Variants in CERS6 observed in about 807,000 individuals in gnomAD.
CERS6 encodes LAG1 homolog, ceramide synthase 6.
In CERS6, 26 loss-of-function variants were observed where a neutral mutation model predicts 56.8. That is an observed-to-expected ratio of 0.46 (90% confidence interval 0.34 to 0.63). The LOEUF is 0.63. CERS6 is among the 30% of genes least tolerant of loss of function. The pLI is 0.01. For synonymous variants in CERS6, 164 were observed against 173.3 expected, an observed-to-expected ratio of 0.95 and a Z score of 0.42; for missense variants, 415 against 467.5, an observed-to-expected ratio of 0.89 and a Z score of 1.04.
intron 4 of CERS6, among the ~76,000 whole-genome samples, chr2:168,657,548 C>T (rs543928007): frequency 4.3e-4 from 66 of 152,362 alleles, no homozygotes; most frequent in Middle Eastern, 3.4e-3. Context: ...GTGGGAGGCT[C>T]AGGCATGGCA....
intron 1 of CERS6, among the ~76,000 whole-genome samples, chr2:168,507,981 TCATGC>T (rs2105348891): frequency 6.6e-6 from 1 of 152,126 alleles, no homozygotes; most frequent in African/African-American, 2.4e-5. Flanking sequence ...GATATGGGAG[TCATGC>T]CATCTATTCT....
At position 168,631,028 on chromosome 2, in the gene CERS6, A is replaced by G; in HGVS notation, c.451A>G (p.Arg151Gly). The change falls in exon 4 of 10, where the codon AGA (arginine) becomes GGA (glycine). Residue 151 changes from arginine (R) to glycine (G), a missense_variant. Transcript: ENST00000305747. ...CCTTTATGTATTTACCTACGGAGTC[A>G]GATTCCTGAAAAAGGTAGGATCTCT... Reference protein sequence around the residue: ...FYLYVFTYGVRFLKKTPWLWN... With the variant: ...FYLYVFTYGVGFLKKTPWLWN... The G allele has an allele frequency of 1.3e-6, 2 of 1,522,486 alleles. No homozygotes were observed. Among genetic ancestry groups the G allele is most frequent in the South Asian group, 1.2e-5 (1 of 83,456 alleles). The allele number at this position is 1,522,486 out of a possible 1,614,324, so 94.3% of individuals were successfully genotyped here. A position where few individuals can be genotyped will look rare whatever the true frequency, so the allele number is the denominator to read the frequency against.
At chr2:168,686,078 C>T (rs924467991) in intron 4 of CERS6, among the ~76,000 whole-genome samples, 1 of 142,968 alleles carries the variant, frequency 7.0e-6, no homozygotes, top group Non-Finnish European at 1.5e-5. Context: ...AACAAAATAC[C>T]GCATACTAGA....
intron 6 of CERS6, among the ~76,000 whole-genome samples, chr2:168,695,463 A>G (rs951718058): frequency 6.6e-6 from 1 of 152,138 alleles, no homozygotes; most frequent in Admixed American, 6.5e-5. Context: ...GTGTCAAAAT[A>G]TGTCTCGGAA....
chr2:168,703,610 A>T (rs1344144630), intron 6 of CERS6, among the ~76,000 whole-genome samples: 1 of 152,134 alleles, frequency 6.6e-6, no homozygotes, highest in African/African-American at 2.4e-5. Flanking sequence ...CTCACATTGC[A>T]TCAGCATATC....
intron 1 of CERS6, among the ~76,000 whole-genome samples, chr2:168,502,778 C>G (rs1694607889): frequency 6.6e-6 from 1 of 152,178 alleles, no homozygotes; most frequent in African/African-American, 2.4e-5. Context: ...CAGATCTGGC[C>G]CCTGGCATGG....
At chr2:168,610,500 T>A (rs1370636323) in intron 3 of CERS6, among the ~76,000 whole-genome samples, 2 of 152,186 alleles carry the variant, frequency 1.3e-5, no homozygotes, top group Non-Finnish European at 2.9e-5. Context: ...ACAAATAGAA[T>A]GTATTTGATT....
At chr2:168,735,145 C>G (rs1683672061) in intron 8 of CERS6, among the ~76,000 whole-genome samples, 1 of 152,170 alleles carries the variant, frequency 6.6e-6, no homozygotes, top group East Asian at 1.9e-4. Flanking sequence ...TTATGTCTCA[C>G]CCCTCCTCAA....
chr2:168,757,279 A>G (rs1684443060), intron 8 of CERS6, among the ~76,000 whole-genome samples: 3 of 151,580 alleles, frequency 2.0e-5, no homozygotes, highest in Non-Finnish European at 4.4e-5. Context: ...TCAGGAGCGT[A>G]GGTAAGTAGA....
At chr2:168,672,687 G>C (rs976399608) in intron 4 of CERS6, among the ~76,000 whole-genome samples, 2 of 151,904 alleles carry the variant, frequency 1.3e-5, no homozygotes, top group Non-Finnish European at 2.9e-5. Context: ...TTGTTTTTAA[G>C]AGCTCTCTTG....
chr2:168,514,368 T>G (rs1290346181), intron 1 of CERS6, among the ~76,000 whole-genome samples: 1 of 152,180 alleles, frequency 6.6e-6, no homozygotes. Flanking sequence ...TTGCTTTTCC[T>G]AGATTTAATT....
chr2:168,640,369 G>A (rs77966991), intron 4 of CERS6, among the ~76,000 whole-genome samples: 1 of 152,220 alleles, frequency 6.6e-6, no homozygotes, highest in East Asian at 1.9e-4. Flanking sequence ...TTTAAAGGGT[G>A]TTCCATTCCT....
intron 9 of CERS6, among the ~76,000 whole-genome samples, chr2:168,766,782 A>G (rs1684742757): frequency 6.6e-6 from 1 of 152,204 alleles, no homozygotes; most frequent in South Asian, 2.1e-4. Context: ...CTGGGGCCAT[A>G]TGGCAGCACC....
intron 8 of CERS6, among the ~76,000 whole-genome samples, chr2:168,720,512 G>A (rs895675062): frequency 9.2e-5 from 14 of 152,064 alleles, no homozygotes; most frequent in African/African-American, 2.9e-4. Context: ...TGCTGCGTCC[G>A]TACGAGTCAG....
intron 3 of CERS6, among the ~76,000 whole-genome samples, chr2:168,607,783 T>C (rs1389767664): frequency 6.6e-6 from 1 of 151,992 alleles, no homozygotes; most frequent in Admixed American, 6.5e-5. Flanking sequence ...AATCAATCAG[T>C]AGTCATTACA....
chr2:168,556,005 A>G (rs1695672424), intron 2 of CERS6, among the ~76,000 whole-genome samples: 1 of 152,120 alleles, frequency 6.6e-6, no homozygotes, highest in Non-Finnish European at 1.5e-5. Flanking sequence ...TGTACAATAC[A>G]ATGTTTCAGT....
chr2:168,664,770 T>C (rs1685716297), intron 4 of CERS6, among the ~76,000 whole-genome samples: 2 of 152,192 alleles, frequency 1.3e-5, no homozygotes, highest in Admixed American at 6.5e-5. Context: ...GCAAACTGTT[T>C]TATCAGCAAC....
intron 1 of CERS6, among the ~76,000 whole-genome samples, chr2:168,496,252 G>GTA (rs891864445): frequency 7.9e-5 from 12 of 151,786 alleles, no homozygotes; most frequent in Non-Finnish European, 1.5e-4. Flanking sequence ...GAATAATCTT[G>GTA]TATATATATC....
intron 1 of CERS6, among the ~76,000 whole-genome samples, chr2:168,457,923 T>C (rs1328189215): frequency 2.0e-5 from 3 of 152,142 alleles, no homozygotes; most frequent in Admixed American, 2.0e-4. Context: ...CCTGCAGAAA[T>C]TGACATGCAC....
Sources: gnomAD v4.1 joint callset for allele counts (sites outside exome capture counted in the v4.1 genomes callset) on GRCh38, gnomAD v4.1.1 for gene constraint, MANE v1.5 for transcripts, NCBI Gene and HGNC (gene_info 2026-07-23, HGNC 2026-07-21) for gene names.